IL18R1: variants seen among roughly 807,000 people sequenced by gnomAD.
IL18R1 encodes interleukin-18 receptor 1.
IL18R1 carries 40 observed loss-of-function variants against 48.5 expected under a neutral mutation model. That is an observed-to-expected ratio of 0.82 (90% CI 0.64 to 1.07). IL18R1 has a LOEUF of 1.07. Among genes scored for constraint, IL18R1 ranks in the 50% least tolerant of loss-of-function variants. The pLI, the probability that IL18R1 is intolerant of heterozygous loss-of-function variation, is 0.00. For synonymous variants in IL18R1, 232 were observed against 225.9 expected (o/e 1.03, Z -0.24); for missense variants, 596 against 633.7 (o/e 0.94, Z 0.64).
At chr2:102,374,761 G>C (rs997068346) in intron 4 of IL18R1, among the ~76,000 whole-genome samples, 9 of 149,818 alleles carry the variant, frequency 6.0e-5, no homozygotes, top group Non-Finnish European at 8.9e-5. Flanking sequence ...CTAGGGGAGA[G>C]AGCGATACTC....
At chr2:102,378,265 G>A (rs1679711066) in intron 5 of IL18R1, among the ~76,000 whole-genome samples, 1 of 152,180 alleles carries the variant, frequency 6.6e-6, no homozygotes, top group African/African-American at 2.4e-5. Context: ...TGAGACTGTG[G>A]CCTTGGGTGA....
At chr2:102,393,276 A>G (rs1680646157) in intron 9 of IL18R1, among the ~76,000 whole-genome samples, 1 of 152,156 alleles carries the variant, frequency 6.6e-6, no homozygotes, top group Non-Finnish European at 1.5e-5. Flanking sequence ...GGGGGAACCT[A>G]CTTACTGATT....
intron 1 of IL18R1, among the ~76,000 whole-genome samples, chr2:102,356,617 A>C (rs1444776795): frequency 6.6e-6 from 1 of 152,194 alleles, no homozygotes; most frequent in Non-Finnish European, 1.5e-5. Context: ...TTTTCTGGAG[A>C]GGTGAGAACG....
chr2:102,386,703 G>A lies in IL18R1; in HGVS notation c.810-158G>A, dbSNP rs566801403. 2.0e-5 allele frequency among the ~76,000 whole-genome samples: 3 copies of A among 152,322 alleles called. No homozygotes were observed. In the South Asian group the frequency reaches 6.2e-4, roughly 32 times the overall value. ...CAGTTCTGATGCTCCACGGAGGAGG[G>A]GACGTTTATTGTAGTCCATGCTTTA... On this transcript the variant is annotated intron_variant, in intron 7 of 10. Transcript: ENST00000233957.
chr2:102,373,680 AGT>A (rs1679400972), intron 4 of IL18R1, among the ~76,000 whole-genome samples: 1 of 152,124 alleles, frequency 6.6e-6, no homozygotes, highest in African/African-American at 2.4e-5. Context: ...GTGTGAGTGT[AGT>A]GTGTGTATGC....
chr2:102,369,040 ACT>A (rs1030923992), intron 3 of IL18R1, among the ~76,000 whole-genome samples: 7 of 152,034 alleles, frequency 4.6e-5, no homozygotes, highest in East Asian at 1.9e-4. Flanking sequence ...AAATTAAATA[ACT>A]CTTTTGATAA....
chr2:102,390,266 A>G, intron 9 of IL18R1, 49 bp downstream of exon 9: 3 of 1,511,840 alleles, frequency 2.0e-6, no homozygotes, highest in Non-Finnish European at 2.8e-6. Context: ...TCATTAAGAA[A>G]TCAGATAAAT....
At chr2:102,392,913 T>C (rs189481587) in intron 9 of IL18R1, among the ~76,000 whole-genome samples, 2 of 152,292 alleles carry the variant, frequency 1.3e-5, no homozygotes, top group Non-Finnish European at 2.9e-5. Context: ...CCTAAACCTT[T>C]TAAAACCTGA....
intron 8 of IL18R1, among the ~76,000 whole-genome samples, chr2:102,388,282 T>C (rs1344419278): frequency 6.6e-6 from 1 of 152,188 alleles, no homozygotes; most frequent in African/African-American, 2.4e-5. Flanking sequence ...CATGACAGGA[T>C]CTGGGTGAAG....
Position 102,390,145 on chromosome 2 carries a change from G to A in IL18R1, c.1039G>A (p.Val347Met), listed in dbSNP as rs752509428. Residue 347 changes from valine (V) to methionine (M), a missense_variant, in exon 9 of 11, where the codon GTG becomes ATG. Val to Met is a conservative substitution (Grantham distance 21). Around this residue, in one of 3 missense-constraint regions of IL18R1, gnomAD observed 57 missense variants for 88.2 expected, o/e 0.65. Transcript: ENST00000233957. ...ILVAVVCLVT[V>M]CVIYRVDLVL... ...GGTGGCAGTAGTGTGCCTAGTGACTGTGTGTGTCATTTATAGAGTTGACTT... is the reference window on the plus strand; with the variant it reads ...GGTGGCAGTAGTGTGCCTAGTGACTATGTGTGTCATTTATAGAGTTGACTT... 1.2e-6 allele frequency: 2 copies of A among 1,613,912 alleles called. No homozygotes were observed. The highest frequency in any genetic ancestry group is 1.7e-5 in the Admixed American group (1 of 60,018).
rs11465626 is a variant in IL18R1 at position 102,377,097 on chromosome 2, G to A, written c.625+1034G>A. ...AACTGGAAACTGTAACACTTGTGTG[G>A]GTGGCTTGTTCAACAAAATCTGTGG... On this transcript the variant is annotated intron_variant, in intron 5 of 10. Coordinates refer to ENST00000233957, the MANE Select transcript of IL18R1 (RefSeq NM_003855.5). Among the ~76,000 whole-genome samples, 1,175 of 152,206 alleles carry A rather than the reference G, an allele frequency of 7.7e-3. 14 individuals are homozygous for A. The highest frequency in any genetic ancestry group is 0.026 in the African/African-American group (1,088 of 41,538).
intron 9 of IL18R1, among the ~76,000 whole-genome samples, chr2:102,393,288 A>G (rs1680647070): frequency 6.6e-6 from 1 of 152,216 alleles, no homozygotes; most frequent in Non-Finnish European, 1.5e-5. Context: ...TTACTGATTG[A>G]TAACTGGTTT....
Position 102,384,964 on chromosome 2 carries a change from C to A in IL18R1, c.775C>A (p.Pro259Thr). Residue 259 changes from proline (P) to threonine (T), a missense_variant, in exon 7 of 11, where the codon CCT (proline) becomes ACT (threonine). By Grantham distance (38) the Pro-to-Thr change is conservative (BLOSUM62 -1). This residue lies in a region of IL18R1 where 360 missense variants were observed against 339.4 expected (regional missense o/e 1.06). Transcript: ENST00000233957. ...GTTCGGGGAAGAAAATGGATCGGAT[C>A]CTAATATACATGAAGAGAAAGAAAT... is the stretch of plus-strand genomic sequence containing the variant. ...WMFGEENGSD[P>T]NIHEEKEMRI... is the part of the protein sequence containing the mutation. The A allele has an allele frequency of 6.2e-7, 1 of 1,602,080 alleles. No homozygotes were observed.
At chr2:102,394,811 C>T (rs1174821413) in intron 10 of IL18R1, among the ~76,000 whole-genome samples, 184 bp downstream of exon 10, 1 of 152,166 alleles carries the variant, frequency 6.6e-6, no homozygotes, top group Non-Finnish European at 1.5e-5. Flanking sequence ...TTCCAATAGT[C>T]TCTTCTCTTG....
intron 9 of IL18R1, among the ~76,000 whole-genome samples, chr2:102,390,525 C>T (rs952366809): frequency 6.6e-6 from 1 of 152,098 alleles, no homozygotes; most frequent in Admixed American, 6.6e-5. Flanking sequence ...GTGCATGCAT[C>T]ACTTAGGTAT....
At position 102,367,892 on chromosome 2, in the gene IL18R1, G is replaced by T. The variant is rs56183212; in HGVS notation, c.126G>T (p.Ser42=). The change falls in exon 3 of 11, where the codon TCG becomes TCT. Residue 42 remains serine (S), a synonymous_variant. Transcript: ENST00000233957. ...AACCTTTCTATCTGAAACATTGCTCGTGTTCACTTGCACATGAGATTGAAA... is the reference window on the plus strand; with the variant it reads ...AACCTTTCTATCTGAAACATTGCTCTTGTTCACTTGCACATGAGATTGAAA... ...EGEPFYLKHC[S]CSLAHEIETT... 3 of 1,613,984 alleles carry T rather than the reference G, an allele frequency of 1.9e-6. No homozygotes were observed. The highest frequency in any genetic ancestry group is 4.5e-5 in the East Asian group (2 of 44,886).
intron 1 of IL18R1, among the ~76,000 whole-genome samples, chr2:102,359,328 G>A (rs1296605891): frequency 6.6e-6 from 1 of 152,102 alleles, no homozygotes; most frequent in Non-Finnish European, 1.5e-5. Flanking sequence ...AACTATGTAA[G>A]CATCTATTTG....
Position 102,397,922 on chromosome 2 carries a change from C to T in IL18R1, c.*1036C>T, listed in dbSNP as rs1051157555. 12 of 152,124 alleles carry T rather than the reference C, an allele frequency of 7.9e-5. No homozygotes were observed. The highest frequency in any genetic ancestry group is 2.9e-4 in the African/African-American group (12 of 41,390). 9.4% of individuals were successfully genotyped at this position (152,124 alleles called of 1,614,324 possible). A position where few individuals can be genotyped will look rare whatever the true frequency, so the allele number is the denominator to read the frequency against. Reference sequence around the variant, plus strand: ...TTAGAATTTATAATAATTGCACCTACCTCCCAGGGGTAACTAAATGAATAA... The same window carrying T: ...TTAGAATTTATAATAATTGCACCTATCTCCCAGGGGTAACTAAATGAATAA... On this transcript the variant is annotated 3_prime_UTR_variant, in exon 11 of 11. Transcript: ENST00000233957.
At chr2:102,376,106 G>T (rs755777769) in intron 5 of IL18R1, 43 bp downstream of exon 5, 1 of 1,485,608 alleles carries the variant, frequency 6.7e-7, no homozygotes, top group Admixed American at 2.4e-5. Flanking sequence ...ACGTATTTTA[G>T]TAAAATGGAA....
Sources: allele counts gnomAD v4.1 joint callset (sites outside exome capture counted in the v4.1 genomes callset), GRCh38; gene constraint gnomAD v4.1.1; regional missense constraint gnomAD v4.1.1; transcripts MANE v1.5; gene names NCBI Gene and HGNC (gene_info 2026-07-23, HGNC 2026-07-21).